Variants in C4orf50 observed in about 807,000 individuals in gnomAD.
The protein encoded by C4orf50 is uncharacterized protein C4orf50.
A neutral mutation model predicts 77.2 loss-of-function variants in C4orf50; 80 were observed. That is an observed-to-expected ratio of 1.04 (90% CI 0.87 to 1.25). C4orf50 has a LOEUF of 1.25. Ranked by LOEUF, C4orf50 falls within the 50% of genes most tolerant of loss-of-function variation. C4orf50 has a pLI of 0.00. For missense variants in C4orf50, 1,257 were observed against 1,152.9 expected (o/e 1.09, Z -1.31); for synonymous variants, 532 against 465.3 (o/e 1.14, Z -1.84).
intron 25 of C4orf50, among the ~76,000 whole-genome samples, chr4:6,003,917 T>C (rs1722002205): frequency 1.6e-5 from 2 of 127,668 alleles, no homozygotes; most frequent in Admixed American, 7.9e-5. Context: ...ATGTTGATGA[T>C]GGTGGTGATG....
At chr4:5,983,020 A>G (rs1335556033) in intron 28 of C4orf50, among the ~76,000 whole-genome samples, 5 of 152,168 alleles carry the variant, frequency 3.3e-5, no homozygotes, top group Non-Finnish European at 7.3e-5. Flanking sequence ...GTAGGAAGCC[A>G]CAGAGGGTTT....
intron 7 of C4orf50, chr4:5,904,042 G>C (rs1716444096): frequency 6.6e-6 from 1 of 152,256 alleles, no homozygotes; most frequent in Non-Finnish European, 1.5e-5. Context: ...GCGGAGATCT[G>C]AGACACCCAT....
intron 32 of C4orf50, 53 bp downstream of exon 10, chr4:5,967,361 G>A: frequency 5.5e-6 from 8 of 1,447,816 alleles, no homozygotes; most frequent in Non-Finnish European, 7.8e-6. Context: ...CGTCCTGCCG[G>A]CCTGGACTTT....
chr4:5,969,539 C>T (rs1015628925), intron 31 of C4orf50, among the ~76,000 whole-genome samples: 1 of 151,922 alleles, frequency 6.6e-6, no homozygotes, highest in Non-Finnish European at 1.5e-5. Flanking sequence ...GACTGGATGA[C>T]TCTCCCCTGC....
intron 31 of C4orf50, among the ~76,000 whole-genome samples, chr4:5,968,599 T>C (rs1051907088): frequency 3.9e-5 from 6 of 152,196 alleles, no homozygotes; most frequent in African/African-American, 9.6e-5. Flanking sequence ...CCTTGAGACC[T>C]TCACTCTATC....
At chr4:5,983,847 G>A (rs187278666) in intron 28 of C4orf50, among the ~76,000 whole-genome samples, 2 of 152,114 alleles carry the variant, frequency 1.3e-5, no homozygotes, top group Admixed American at 6.6e-5. Flanking sequence ...TAGCTGCAGA[G>A]AATGAAAGTC....
Position 5,929,714 on chromosome 4 carries a change from C to T in C4orf50, c.*2474+27187G>A, listed in dbSNP as rs189432358. ...TCCAGGCTGCCCAGCGCTCTGTGAG[C>T]GCTAGCCCTAAAAGGCACTTGTGAA... On this transcript the variant is annotated intron_variant, in intron 7 of 7. Coordinates refer to the C4orf50 transcript ENST00000324058. Among the ~76,000 whole-genome samples the T allele has an allele frequency of 1.2e-4, 18 of 152,352 alleles. No individual in the cohort carries two copies. The East Asian group carries it at 2.9e-3, about 25-fold the overall frequency.
intron 7 of C4orf50, among the ~76,000 whole-genome samples, chr4:5,918,558 T>G (rs184315066): frequency 1.0e-3 from 154 of 151,904 alleles, no homozygotes; most frequent in African/African-American, 3.4e-3. Flanking sequence ...CAGAGAGGAG[T>G]GGAGCTCAGG....
At position 6,007,801 on chromosome 4, in the gene C4orf50, G is replaced by A. The variant is rs1184092380; in HGVS notation, c.963+195C>T. On this transcript the variant is annotated intron_variant, in intron 25 of 33. Transcript: ENST00000531445. This position sits in a 1 kb window ranked among gnomAD's most constrained non-coding sequence, Gnocchi z 4.1. The stretch of plus-strand genomic sequence containing the variant: ...GTAATGAGGTGGGCGTGCACTGAAT[G>A]AGTATGTGAGGTTAGATGGGAGGGT... Among the ~76,000 whole-genome samples the A allele has an allele frequency of 2.8e-4, 37 of 130,604 alleles. 1 individual carries two copies. Among genetic ancestry groups the A allele is most frequent in the Non-Finnish European group, 6.4e-5 (4 of 62,332 alleles). The allele number at this position is 130,604 out of a possible 152,430, so 85.7% of individuals were successfully genotyped here.
intron 7 of C4orf50, among the ~76,000 whole-genome samples, chr4:5,931,431 G>A (rs182401049): frequency 4.7e-4 from 72 of 152,310 alleles, no homozygotes; most frequent in African/African-American, 1.7e-3. Context: ...AGTTTCTCAG[G>A]TGCGAAGATA....
At chr4:5,980,217 G>A in exon 29 of C4orf50, 1 of 1,609,240 alleles carries the variant, frequency 6.2e-7, no homozygotes, top group South Asian at 1.1e-5. Context: ...CTCGTCCAGA[G>A]ACGCCTGGTG....
At chr4:6,014,143 C>T (rs554121319) in intron 23 of C4orf50, among the ~76,000 whole-genome samples, 1 of 152,126 alleles carries the variant, frequency 6.6e-6, no homozygotes, top group East Asian at 1.9e-4. Context: ...GCTGGGATTA[C>T]AGGCATGTGC....
At chr4:6,013,865 C>T (rs67781146) in intron 23 of C4orf50, among the ~76,000 whole-genome samples, 3,416 of 152,248 alleles carry the variant, frequency 0.022, 50 homozygotes, top group Non-Finnish European at 0.035. Context: ...TTCTGGCCAC[C>T]AAGCTTGTGG....
downstream of C4orf50, among the ~76,000 whole-genome samples, chr4:5,955,299 G>C (rs945539549): frequency 2.0e-5 from 3 of 152,096 alleles, no homozygotes; most frequent in Admixed American, 1.3e-4. This position sits in a 1 kb window ranked among gnomAD's most constrained non-coding sequence, Gnocchi z 5.1. Context: ...AAATCACCGA[G>C]GCGGGGAGAG....
intron 25 of C4orf50, among the ~76,000 whole-genome samples, chr4:6,006,543 T>C (rs73196056): frequency 0.19 from 29,059 of 152,252 alleles, 2,974 homozygotes; most frequent in Non-Finnish European, 0.23. Context: ...AAAAGGAAGA[T>C]GCGAATATCA....
rs900389113 is a variant in C4orf50, at chr4:6,015,335, G to A, written c.287+2810C>T. On this transcript the variant is annotated intron_variant, in intron 23 of 33. Coordinates refer to ENST00000531445, the Ensembl canonical transcript of C4orf50. This position sits in a 1 kb window ranked among gnomAD's most constrained non-coding sequence, Gnocchi z 4.4. ...GAGGAGGACACAGACACACACAGAG[G>A]GATGACCATGTGACGACACAGGGAG... Among the ~76,000 whole-genome samples, 11 of 152,142 alleles carry A rather than the reference G, an allele frequency of 7.2e-5. No homozygotes were observed. The highest frequency in any genetic ancestry group is 2.7e-4 in the African/African-American group (11 of 41,414).
At chr4:5,957,908 G>A (rs577691755) in exon 34 of C4orf50, 15 of 152,290 alleles carry the variant, frequency 9.8e-5, no homozygotes, top group African/African-American at 3.6e-4. Context: ...ATCAAGGGAA[G>A]CCCGGGGAAG....
chr4:5,968,258 G>C (rs909027259), intron 31 of C4orf50, among the ~76,000 whole-genome samples: 1 of 152,202 alleles, frequency 6.6e-6, no homozygotes, highest in Non-Finnish European at 1.5e-5. Flanking sequence ...CCTCTGTGAA[G>C]TCTTCCCTGA....
intron 7 of C4orf50, among the ~76,000 whole-genome samples, chr4:5,940,860 G>T (rs1718230684): frequency 6.6e-6 from 1 of 152,142 alleles, no homozygotes; most frequent in Non-Finnish European, 1.5e-5. Context: ...CTAGTTTCTG[G>T]AGGCTGAGAG....
Sources: allele counts gnomAD v4.1 joint callset (sites outside exome capture counted in the v4.1 genomes callset), GRCh38; gene constraint gnomAD v4.1.1; non-coding constraint Gnocchi (gnomAD v3.1); transcripts MANE v1.5; gene names NCBI Gene and HGNC (gene_info 2026-07-23, HGNC 2026-07-21).